The following SHISA6 variants were observed in gnomAD, a reference collection of about 807,000 sequenced individuals.
SHISA6 encodes protein shisa-6.
A neutral mutation model predicts 47.9 loss-of-function variants in SHISA6; 22 were observed. That is an observed-to-expected ratio of 0.46 (90% CI 0.33 to 0.66). The LOEUF is 0.66. Ranked by LOEUF, SHISA6 falls within the 30% of genes least tolerant of loss-of-function variation. The pLI, the probability that SHISA6 is intolerant of heterozygous loss-of-function variation, is 0.02. For missense variants in SHISA6, 680 were observed against 764.6 expected, an observed-to-expected ratio of 0.89 and a Z score of 1.30; for synonymous variants, 388 against 337.8, an observed-to-expected ratio of 1.15 and a Z score of -1.63.
intron 2 of SHISA6, among the ~76,000 whole-genome samples, chr17:11,319,520 C>T (rs758987222): frequency 4.6e-5 from 7 of 152,158 alleles, no homozygotes; most frequent in Non-Finnish European, 8.8e-5. Flanking sequence ...TTAGTTGGTT[C>T]GCTCTGATAC....
chr17:11,539,584 C>T (rs1475119599), intron 3 of SHISA6, among the ~76,000 whole-genome samples: 1 of 152,258 alleles, frequency 6.6e-6, no homozygotes, highest in East Asian at 1.9e-4. Flanking sequence ...TCAGCTTCTT[C>T]AGCCTTGGCT....
In SHISA6 at chr17:11,241,970, G is replaced by T. The variant is rs1907375424; in HGVS notation, c.548G>T (p.Gly183Val). ...KTNFTVYITC[G>V]VIAFVIVAGV... The stretch of plus-strand genomic sequence containing the variant: ...AACTTCACCGTCTACATCACCTGCG[G>T]GGTGATCGCCTTCGTCATCGTGGCC... The change falls in exon 1 of 6, where the codon GGG (glycine) becomes GTG (valine). Residue 183 changes from glycine to valine, a missense_variant. Around this residue, in one of 2 missense-constraint regions of SHISA6, gnomAD observed 559 missense variants for 674.1 expected, o/e 0.83. Coordinates refer to ENST00000441885, the MANE Select transcript of SHISA6 (RefSeq NM_207386.4). This position sits in a 1 kb window ranked among gnomAD's most constrained non-coding sequence, Gnocchi z 5.5. 6.4e-7 allele frequency: 1 copy of T among 1,550,900 alleles called. No individual in the cohort carries two copies. Among genetic ancestry groups the T allele is most frequent in the African/African-American group, 1.4e-5 (1 of 73,062 alleles).
intron 2 of SHISA6, among the ~76,000 whole-genome samples, chr17:11,273,463 C>T (rs1030301872): frequency 7.9e-5 from 12 of 152,232 alleles, no homozygotes; most frequent in Non-Finnish European, 1.3e-4. Context: ...GTCGGACCAC[C>T]TTGCCATGCA....
At chr17:11,502,403 C>T (rs1475762929) in intron 3 of SHISA6, among the ~76,000 whole-genome samples, 3 of 97,234 alleles carry the variant, frequency 3.1e-5, no homozygotes, top group Non-Finnish European at 5.7e-5. Context: ...AGCGAGACTC[C>T]GTCTCAAAAA....
chr17:11,436,678 A>C (rs757436228), intron 3 of SHISA6, among the ~76,000 whole-genome samples: 3 of 152,226 alleles, frequency 2.0e-5, no homozygotes, highest in Non-Finnish European at 4.4e-5. Context: ...AGGGCTGATC[A>C]CAGTAGACAC....
chr17:11,410,269 T>C lies in SHISA6; in HGVS notation c.895+30760T>C, dbSNP rs529629822. On this transcript the variant is annotated intron_variant, in intron 3 of 5. Coordinates refer to ENST00000441885, the MANE Select transcript of SHISA6 (RefSeq NM_207386.4). ...CTCAATCAACAACCCTCGGAGGAGGTTGGATGAGTTATCCAGTTCACTGAA... is the reference window on the plus strand; with the variant it reads ...CTCAATCAACAACCCTCGGAGGAGGCTGGATGAGTTATCCAGTTCACTGAA... Among the ~76,000 whole-genome samples the C allele has an allele frequency of 3.3e-5, 5 of 152,030 alleles. No individual in the cohort carries two copies. In the South Asian group the frequency reaches 8.3e-4, roughly 25 times the overall value.
chr17:11,501,713 CAG>C (rs1567622957), intron 3 of SHISA6, among the ~76,000 whole-genome samples: 1 of 151,600 alleles, frequency 6.6e-6, no homozygotes, highest in Non-Finnish European at 1.5e-5. Context: ...GAGAGAGAGA[CAG>C]AGAGAGAAAG....
Position 11,525,662 on chromosome 17 carries a change from AAAAC to A in SHISA6, c.896-26233_896-26230del, listed in dbSNP as rs1311171999. Among the ~76,000 whole-genome samples the A allele has an allele frequency of 5.5e-3, 807 of 147,390 alleles. 7 individuals are homozygous for A. The highest frequency in any genetic ancestry group is 0.014 in the Middle Eastern group (4 of 280). ...AAAAAAAAAAAAAAACAAAAAAAAA[AAAAC>A]GTGTTATAATAAACAAGATTATCAC... On this transcript the variant is annotated intron_variant, in intron 3 of 5. Coordinates refer to ENST00000441885, the MANE Select transcript of SHISA6 (RefSeq NM_207386.4).
chr17:11,316,846 GTTTGT>G (rs1374648575), intron 2 of SHISA6, among the ~76,000 whole-genome samples: 7 of 152,170 alleles, frequency 4.6e-5, no homozygotes, highest in Non-Finnish European at 7.4e-5. Flanking sequence ...TATAGCAGGA[GTTTGT>G]TTTATTATTT....
intron 3 of SHISA6, among the ~76,000 whole-genome samples, chr17:11,437,689 G>A (rs1282168000): frequency 6.6e-6 from 1 of 152,178 alleles, no homozygotes; most frequent in Non-Finnish European, 1.5e-5. Context: ...CAGAGCTCCT[G>A]AGGCACATTG....
intron 3 of SHISA6, among the ~76,000 whole-genome samples, chr17:11,446,181 A>G (rs1915230895): frequency 2.0e-5 from 3 of 152,188 alleles, no homozygotes; most frequent in African/African-American, 7.2e-5. Flanking sequence ...AAGTTATCCA[A>G]ACCAAGGAAG....
chr17:11,346,632 A>G (rs1567580058), intron 2 of SHISA6, among the ~76,000 whole-genome samples: 1 of 152,228 alleles, frequency 6.6e-6, no homozygotes, highest in Non-Finnish European at 1.5e-5. Context: ...GGAGATACTT[A>G]AAGGAAATTG....
At chr17:11,266,643 A>G (rs1379957317) in intron 2 of SHISA6, among the ~76,000 whole-genome samples, 3 of 152,242 alleles carry the variant, frequency 2.0e-5, no homozygotes, top group Non-Finnish European at 1.5e-5. Flanking sequence ...CACTTAAGAC[A>G]GGTCCCCATA....
intron 3 of SHISA6, among the ~76,000 whole-genome samples, chr17:11,462,426 C>G (rs1915715400): frequency 6.6e-6 from 1 of 152,180 alleles, no homozygotes; most frequent in Non-Finnish European, 1.5e-5. Context: ...CCGGCAACAG[C>G]TGACCCCTCC....
chr17:11,263,366 G>A lies in SHISA6; in HGVS notation c.639G>A (p.Arg213=). 1 of 1,552,006 alleles carries A rather than the reference G, an allele frequency of 6.4e-7. No individual in the cohort carries two copies. Among genetic ancestry groups the A allele is most frequent in the Non-Finnish European group, 8.7e-7 (1 of 1,147,058 alleles). The change falls in exon 2 of 6, where the codon AGG becomes AGA. Residue 213 remains arginine, a splice_region_variant and synonymous_variant. Coordinates refer to ENST00000441885, the MANE Select transcript of SHISA6 (RefSeq NM_207386.4). The part of the protein sequence containing the change: ...HRPPREMNIH[R]ALADILRQQG... ...ATTATGTGATCTCCTCCTTGTTTAG[G>A]GCTCTGGCTGACATCTTAAGACAAC...
At chr17:11,428,693 T>G (rs983369064) in intron 3 of SHISA6, among the ~76,000 whole-genome samples, 2 of 152,146 alleles carry the variant, frequency 1.3e-5, no homozygotes, top group Non-Finnish European at 2.9e-5. Context: ...TGTGTGCCTT[T>G]GGATCATGGT....
At chr17:11,347,120 G>A (rs1911725669) in intron 2 of SHISA6, among the ~76,000 whole-genome samples, 1 of 151,882 alleles carries the variant, frequency 6.6e-6, no homozygotes, top group East Asian at 1.9e-4. Context: ...TCACAGGAAA[G>A]GTAGGAAGAT....
intron 3 of SHISA6, among the ~76,000 whole-genome samples, chr17:11,402,356 A>G (rs756643237): frequency 3.3e-5 from 5 of 152,214 alleles, no homozygotes; most frequent in African/African-American, 9.7e-5. Context: ...TGTGTAAAAA[A>G]TTAGGTTTCT....
intron 3 of SHISA6, among the ~76,000 whole-genome samples, chr17:11,389,975 A>G (rs770395688): frequency 2.0e-5 from 3 of 152,204 alleles, no homozygotes; most frequent in Non-Finnish European, 4.4e-5. Flanking sequence ...CAGCCTCTCA[A>G]TCAACAGTGG....
Sources: gnomAD v4.1 joint callset for allele counts (sites outside exome capture counted in the v4.1 genomes callset) on GRCh38, gnomAD v4.1.1 for gene constraint, gnomAD v4.1.1 regional missense constraint, Gnocchi (gnomAD v3.1) non-coding constraint, MANE v1.5 for transcripts, NCBI Gene and HGNC (gene_info 2026-07-23, HGNC 2026-07-21) for gene names.